Variants in UGT1A8 observed in about 807,000 individuals in gnomAD.
UGT1A8 encodes the protein UDP glucuronosyltransferase family 1 member A8.
In UGT1A8, 39 loss-of-function variants were observed where a neutral mutation model predicts 45.3. That is an observed-to-expected ratio of 0.86 (90% CI 0.67 to 1.12). The LOEUF is 1.12. Among genes scored for constraint, UGT1A8 ranks in the 50% most tolerant of loss-of-function variants. The pLI is 0.00. For synonymous variants in UGT1A8, 275 were observed against 249.2 expected (o/e 1.10, Z -0.97); for missense variants, 719 against 664.9 (o/e 1.08, Z -0.90).
Position 233,618,331 on chromosome 2 carries a change from G to A in UGT1A8, c.624G>A (p.Arg208=). 5.6e-6 allele frequency: 9 copies of A among 1,613,890 alleles called. No homozygotes were observed. Among genetic ancestry groups the A allele is most frequent in the Non-Finnish European group, 7.6e-6 (9 of 1,179,850 alleles). The change falls in exon 1 of 5, where the codon CGG becomes CGA. Residue 208 remains arginine (R), a synonymous_variant. Transcript: ENST00000373450. ...CCATGACTTTCAAGGAGAGAGTACG[G>A]AACCACATCATGCACTTGGAGGAAC... The part of the protein sequence containing the change: ...SDAMTFKERV[R]NHIMHLEEHL...
At position 233,673,580 on chromosome 2, in the gene UGT1A8, A is replaced by G. The variant is rs914512716; in HGVS notation, c.855+55018A>G. On this transcript the variant is annotated intron_variant, in intron 1 of 4. Transcript: ENST00000373450. Reference sequence around the variant, plus strand: ...TTTTTGCTATTGTGTCTTCCTGTTCAGGAATATGTATGTCTCACTATTTAT... The same window carrying G: ...TTTTTGCTATTGTGTCTTCCTGTTCGGGAATATGTATGTCTCACTATTTAT... Among the ~76,000 whole-genome samples the G allele has an allele frequency of 7.9e-5, 12 of 152,270 alleles. No individual in the cohort carries two copies. In the South Asian group the frequency reaches 2.3e-3, roughly 29 times the overall value.
chr2:233,732,424 AG>A (rs1319595536), intron 1 of UGT1A8, among the ~76,000 whole-genome samples: 1 of 152,242 alleles, frequency 6.6e-6, no homozygotes, highest in Non-Finnish European at 1.5e-5. Flanking sequence ...GTTTTCTTCT[AG>A]GATTTTTATG....
rs1692921739 is a variant in UGT1A8 at position 233,744,781 on chromosome 2, G to GA, written c.856-22248dup. Among the ~76,000 whole-genome samples the GA allele has an allele frequency of 2.0e-5, 3 of 151,856 alleles. No individual in the cohort carries two copies. The South Asian group carries it at 6.2e-4, about 31-fold the overall frequency. On this transcript the variant is annotated intron_variant, in intron 1 of 4. Coordinates refer to ENST00000373450, the MANE Select transcript of UGT1A8 (RefSeq NM_019076.5). ...AGTTTTAACTTTGCAAAATTCTCCTGAAAAATTCTTGGGGATCCCTAGGAT... is the reference window on the plus strand; with the variant it reads ...AGTTTTAACTTTGCAAAATTCTCCTGAAAAAATTCTTGGGGATCCCTAGGAT...
At chr2:233,763,451 A>G (rs1353654111) in intron 1 of UGT1A8, among the ~76,000 whole-genome samples, 1 of 152,150 alleles carries the variant, frequency 6.6e-6, no homozygotes, top group African/African-American at 2.4e-5. Flanking sequence ...CATTTTGCCT[A>G]TTTGAATCTA....
At chr2:233,743,166 TA>T in intron 1 of UGT1A8, 1 of 363,344 alleles carries the variant, frequency 2.8e-6, no homozygotes, top group East Asian at 7.3e-5. Context: ...CAGATGTGCT[TA>T]AAGTCAAATG....
intron 1 of UGT1A8, among the ~76,000 whole-genome samples, chr2:233,689,008 T>C (rs1007818083): frequency 1.3e-5 from 2 of 152,220 alleles, no homozygotes. Context: ...GTCTCTTTAC[T>C]TCATAAACAT....
At chr2:233,694,448 G>A (rs559666180) in intron 1 of UGT1A8, among the ~76,000 whole-genome samples, 2 of 152,240 alleles carry the variant, frequency 1.3e-5, no homozygotes, top group Admixed American at 1.3e-4. Context: ...TTACTGACTG[G>A]CCTTTTCAGC....
intron 1 of UGT1A8, chr2:233,747,938 G>A (rs1693816643): frequency 2.5e-6 from 4 of 1,613,450 alleles, no homozygotes; most frequent in Non-Finnish European, 3.4e-6. Context: ...TTCAGAGGGA[G>A]GTGTCAGTGG....
intron 1 of UGT1A8, among the ~76,000 whole-genome samples, chr2:233,757,478 C>G (rs1489873843): frequency 4.1e-5 from 6 of 146,266 alleles, no homozygotes; most frequent in Non-Finnish European, 1.5e-5. Flanking sequence ...TCTCCAAAAC[C>G]ATGGACTGGC....
intron 1 of UGT1A8, among the ~76,000 whole-genome samples, chr2:233,629,961 T>C (rs2073157996): frequency 6.6e-6 from 1 of 152,160 alleles, no homozygotes; most frequent in Admixed American, 6.6e-5. Context: ...CTGTAGAATC[T>C]ATGGTGATAC....
rs192933567 is a variant in UGT1A8, at chr2:233,772,247, T to G, written c.1296-15T>G. On this transcript the variant is annotated splice_polypyrimidine_tract_variant and intron_variant, in intron 4 of 4. Transcript: ENST00000373450. ...ACAGGTGTTCCAGGCATAACGAAAC[T>G]GTCTTTGTGTTTAGTTACAAGGAGA... The G allele has an allele frequency of 2.9e-5, 47 of 1,614,208 alleles. No homozygotes were observed. The East Asian group carries it at 1.0e-3, about 35-fold the overall frequency.
chr2:233,764,152 G>C (rs1467176799), intron 1 of UGT1A8, among the ~76,000 whole-genome samples: 3 of 152,176 alleles, frequency 2.0e-5, no homozygotes, highest in Non-Finnish European at 2.9e-5. Flanking sequence ...ATTTTGGCTG[G>C]TGAAGTCTCA....
chr2:233,648,745 T>G, intron 1 of UGT1A8: 2 of 590,066 alleles, frequency 3.4e-6, no homozygotes, highest in Non-Finnish European at 5.6e-6. Flanking sequence ...ATTACAGGGG[T>G]GAGCCACCAC....
intron 1 of UGT1A8, among the ~76,000 whole-genome samples, chr2:233,654,073 T>C (rs1286183776): frequency 6.6e-6 from 1 of 152,200 alleles, no homozygotes; most frequent in African/African-American, 2.4e-5. Context: ...CATAAGTCTA[T>C]ACACAGTCTC....
intron 1 of UGT1A8, among the ~76,000 whole-genome samples, chr2:233,685,897 C>T (rs1559341876): frequency 1.3e-5 from 2 of 152,180 alleles, no homozygotes; most frequent in South Asian, 4.2e-4. Context: ...AATATTATCT[C>T]ATTTTCAATC....
intron 1 of UGT1A8, among the ~76,000 whole-genome samples, chr2:233,735,271 G>A (rs1195301760): frequency 1.3e-5 from 2 of 152,034 alleles, no homozygotes; most frequent in Non-Finnish European, 2.9e-5. Context: ...TTATGTAATG[G>A]CCTTCTTTGT....
chr2:233,719,068 C>G (rs1363775237), intron 1 of UGT1A8: 3 of 1,614,146 alleles, frequency 1.9e-6, no homozygotes, highest in Admixed American at 3.3e-5. Flanking sequence ...TATGCTGTTC[C>G]ATGGACCCAG....
At chr2:233,743,063 C>G (rs1189998350) in intron 1 of UGT1A8, 2 of 336,472 alleles carry the variant, frequency 5.9e-6, no homozygotes, top group East Asian at 7.7e-5. Context: ...ACGATAAGAA[C>G]AGGTGTTGGC....
rs749212538 is a variant in UGT1A8 at position 233,718,994 on chromosome 2, G to C, written c.856-48040G>C. On this transcript the variant is annotated intron_variant, in intron 1 of 4. Coordinates refer to ENST00000373450, the MANE Select transcript of UGT1A8 (RefSeq NM_019076.5). ...AGCTCCATGCCAGAGGCCACCAGGCGGTGGTCCTCACCCCAGAGGTGAATA... is the reference window on the plus strand; with the variant it reads ...AGCTCCATGCCAGAGGCCACCAGGCCGTGGTCCTCACCCCAGAGGTGAATA... 11 of 1,613,986 alleles carry C rather than the reference G, an allele frequency of 6.8e-6. No individual in the cohort carries two copies. In the Admixed American group the frequency reaches 1.2e-4, roughly 17 times the overall value.
Sources: gnomAD v4.1 joint callset for allele counts (sites outside exome capture counted in the v4.1 genomes callset) on GRCh38, gnomAD v4.1.1 for gene constraint, MANE v1.5 for transcripts, NCBI Gene and HGNC (gene_info 2026-07-23, HGNC 2026-07-21) for gene names.